The following ATG7 variants were observed in gnomAD, a reference collection of about 807,000 sequenced individuals.
ATG7 encodes the protein ubiquitin-like modifier-activating enzyme ATG7.
In ATG7, 70 loss-of-function variants were observed where a neutral mutation model predicts 82.4. That is an observed-to-expected ratio of 0.85 (90% confidence interval 0.70 to 1.04). The LOEUF (loss-of-function observed/expected upper bound fraction) is 1.04, where lower values mean the gene tolerates loss of function less well. Among genes scored for constraint, ATG7 ranks in the 50% least tolerant of loss-of-function variants. The pLI is 0.00. For synonymous variants in ATG7, 287 were observed against 313.0 expected, an observed-to-expected ratio of 0.92 and a Z score of 0.88; for missense variants, 792 against 864.3, an observed-to-expected ratio of 0.92 and a Z score of 1.05.
At chr3:11,396,788 A>C (rs943351105) in intron 19 of ATG7, among the ~76,000 whole-genome samples, 1 of 145,146 alleles carries the variant, frequency 6.9e-6, no homozygotes, top group South Asian at 2.3e-4. Context: ...TCTCCAAAAA[A>C]AAAAAAAAAG....
chr3:11,456,769 CTCTT>C (rs1289708117), intron 20 of ATG7, among the ~76,000 whole-genome samples: 2 of 152,154 alleles, frequency 1.3e-5, no homozygotes, highest in African/African-American at 4.8e-5. Flanking sequence ...TTTTTTTCCT[CTCTT>C]TCTACTTTAA....
rs181906212 is a variant in ATG7 at position 11,550,183 on chromosome 3, C to G, written c.2080-4628C>G. 3.9e-5 allele frequency among the ~76,000 whole-genome samples: 6 copies of G among 152,110 alleles called. No homozygotes were observed. In the East Asian group the frequency reaches 1.2e-3, roughly 29 times the overall value. On this transcript the variant is annotated intron_variant, in intron 20 of 20. Coordinates refer to ENST00000693202, the MANE Select transcript of ATG7 (RefSeq NM_001349232.2). ...TTTTCATTTTCTCAGTGGTATCCTT[C>G]CAAGATCAGAAATTTTAATTCTTGT... is the stretch of plus-strand genomic sequence containing the variant.
intron 20 of ATG7, among the ~76,000 whole-genome samples, chr3:11,432,474 T>C (rs1310106975): frequency 1.3e-5 from 2 of 151,852 alleles, no homozygotes; most frequent in East Asian, 3.9e-4. Context: ...AAGAATGATA[T>C]AATGGACTTT....
chr3:11,499,225 C>A (rs912304702), intron 20 of ATG7, among the ~76,000 whole-genome samples: 2 of 146,024 alleles, frequency 1.4e-5, no homozygotes, highest in Non-Finnish European at 3.0e-5. Flanking sequence ...GCTTCCCAAA[C>A]CTTGAAGTCA....
At chr3:11,573,206 AAGAG>A in the ATG7 span, among the ~76,000 whole-genome samples, 10 of 149,630 alleles carry the variant, frequency 6.7e-5, no homozygotes, top group African/African-American at 1.2e-4. Flanking sequence ...GAAAGAAAAG[AAGAG>A]AGAGAGAGAA....
intron 14 of ATG7, 96 bp downstream of exon 14, chr3:11,348,131 A>C: frequency 6.8e-7 from 1 of 1,464,060 alleles, no homozygotes; most frequent in Non-Finnish European, 9.2e-7. Context: ...AGAGTCAGAT[A>C]TCTGTCACTT....
chr3:11,549,530 T>A (rs2071583835), intron 20 of ATG7, among the ~76,000 whole-genome samples: 1 of 152,206 alleles, frequency 6.6e-6, no homozygotes, highest in Non-Finnish European at 1.5e-5. Context: ...TGGGCTTCCT[T>A]GACCCAGGAT....
At chr3:11,569,850 T>C in the ATG7 span, among the ~76,000 whole-genome samples, 1 of 152,258 alleles carries the variant, frequency 6.6e-6, no homozygotes, top group South Asian at 2.1e-4. Context: ...CACTGCACTT[T>C]AGCCTGGGTG....
intron 3 of ATG7, among the ~76,000 whole-genome samples, chr3:11,290,006 A>G (rs1300985939): frequency 2.0e-5 from 3 of 152,136 alleles, no homozygotes; most frequent in Non-Finnish European, 4.4e-5. Flanking sequence ...GCAAACTCAT[A>G]TTGTCCCCAT....
intron 19 of ATG7, among the ~76,000 whole-genome samples, chr3:11,408,492 G>A (rs974365710): frequency 3.3e-5 from 5 of 152,078 alleles, no homozygotes; most frequent in Admixed American, 3.3e-4. Context: ...CCCATTCCTG[G>A]TACCAGATTA....
chr3:11,466,768 C>T (rs78602284), intron 20 of ATG7, among the ~76,000 whole-genome samples: 1,802 of 152,300 alleles, frequency 0.012, 34 homozygotes, highest in African/African-American at 0.041. Context: ...AGAATGACAG[C>T]TTGTAGTACA....
intron 20 of ATG7, among the ~76,000 whole-genome samples, chr3:11,504,111 A>G (rs546903397): frequency 6.6e-6 from 1 of 152,358 alleles, no homozygotes; most frequent in African/African-American, 2.4e-5. Flanking sequence ...AAGGTTCATC[A>G]TAGTGAATTT....
At chr3:11,516,059 G>T (rs1330790939) in intron 20 of ATG7, among the ~76,000 whole-genome samples, 4 of 151,234 alleles carry the variant, frequency 2.6e-5, no homozygotes, top group African/African-American at 9.7e-5. Flanking sequence ...AAAAAACATA[G>T]GACATAGTTC....
chr3:11,498,876 T>G (rs573332056), intron 20 of ATG7, among the ~76,000 whole-genome samples: 1 of 152,302 alleles, frequency 6.6e-6, no homozygotes, highest in South Asian at 2.1e-4. Flanking sequence ...GGAGAGTGTA[T>G]GAGCCAAACT....
At chr3:11,574,785 ATGTGTGTGTGTGTG>A in the ATG7 span, among the ~76,000 whole-genome samples, 296 of 121,774 alleles carry the variant, frequency 2.4e-3, 2 homozygotes, top group East Asian at 4.7e-3. Flanking sequence ...TCAACTATAT[ATGTGTGTGTGTGTG>A]TGTGTGTGTG....
chr3:11,330,417 A>G (rs1951482875), intron 9 of ATG7, among the ~76,000 whole-genome samples: 1 of 152,124 alleles, frequency 6.6e-6, no homozygotes, highest in African/African-American at 2.4e-5. Flanking sequence ...ACATCATATT[A>G]TTTATATTGT....
chr3:11,274,354 T>C (rs1336146211), intron 1 of ATG7, among the ~76,000 whole-genome samples: 1 of 152,086 alleles, frequency 6.6e-6, no homozygotes, highest in Non-Finnish European at 1.5e-5. Context: ...ATGAAGCTAT[T>C]GCGGAGGTTT....
intron 20 of ATG7, among the ~76,000 whole-genome samples, chr3:11,429,483 G>A (rs949704793): frequency 2.6e-5 from 4 of 151,856 alleles, no homozygotes; most frequent in South Asian, 2.1e-4. Flanking sequence ...GCGACAGAGC[G>A]AGACTCCATC....
At chr3:11,295,776 CTTTCTTTCTTTCTTT>C (rs1945786762) in intron 3 of ATG7, among the ~76,000 whole-genome samples, 1 of 76,786 alleles carries the variant, frequency 1.3e-5, no homozygotes, top group Non-Finnish European at 3.4e-5. Flanking sequence ...TCTTTCTTTT[CTTTCTTTCTTTCTTT>C]TTTTTTTTTT....
Sources: gnomAD v4.1 joint callset for allele counts (sites outside exome capture counted in the v4.1 genomes callset) on GRCh38, gnomAD v4.1.1 for gene constraint, MANE v1.5 for transcripts, NCBI Gene and HGNC (gene_info 2026-07-23, HGNC 2026-07-21) for gene names.